Variants in PARPBP observed in about 807,000 individuals in gnomAD.
PARPBP encodes the protein PCNA-interacting partner.
PARPBP carries 52 observed loss-of-function variants against 50.0 expected under a neutral mutation model. The ratio of observed to expected loss-of-function variants is 1.04; its 90% CI spans 0.83 to 1.31. The LOEUF (loss-of-function observed/expected upper bound fraction) is 1.31, where lower values mean the gene tolerates loss of function less well. PARPBP is among the 50% of genes most tolerant of loss of function. The pLI is 0.00. For synonymous variants in PARPBP, 244 were observed against 232.1 expected (o/e 1.05, Z -0.47); for missense variants, 697 against 672.0 (o/e 1.04, Z -0.41).
At chr12:102,126,824 A>G (rs779538585) in intron 2 of PARPBP, among the ~76,000 whole-genome samples, 4 of 152,156 alleles carry the variant, frequency 2.6e-5, no homozygotes, top group Non-Finnish European at 5.9e-5. Flanking sequence ...CTCTTTCTGT[A>G]TCTTGTTTTT....
intron 3 of PARPBP, chr12:102,150,364 CTT>C (rs747278584): frequency 5.8e-5 from 25 of 429,090 alleles, no homozygotes; most frequent in Non-Finnish European, 1.1e-4. Context: ...CTGAAAGTCT[CTT>C]TCAAGGTACA....
At chr12:102,170,157 A>G (rs1888546822) in intron 6 of PARPBP, among the ~76,000 whole-genome samples, 3 of 152,224 alleles carry the variant, frequency 2.0e-5, no homozygotes, top group Admixed American at 2.0e-4. Flanking sequence ...AAGATGTCTT[A>G]AATGAGATGT....
intron 2 of PARPBP, among the ~76,000 whole-genome samples, chr12:102,125,245 ATAGC>A (rs1881807610): frequency 6.6e-6 from 1 of 152,208 alleles, no homozygotes; most frequent in Non-Finnish European, 1.5e-5. Context: ...CTAGGGAGAG[ATAGC>A]TAGTACTGTA....
At chr12:102,148,690 G>T in intron 3 of PARPBP, 1 of 342,876 alleles carries the variant, frequency 2.9e-6, no homozygotes, top group African/African-American at 2.1e-5. Context: ...TATACGGATA[G>T]CTTCTTATTA....
At chr12:102,168,049 T>A (rs774000916) in intron 6 of PARPBP, among the ~76,000 whole-genome samples, 1 of 152,214 alleles carries the variant, frequency 6.6e-6, no homozygotes, top group Non-Finnish European at 1.5e-5. Flanking sequence ...GGGTAGTTAG[T>A]TATGACTCAA....
intron 3 of PARPBP, among the ~76,000 whole-genome samples, chr12:102,152,812 A>T (rs1886384463): frequency 6.6e-6 from 1 of 152,006 alleles, no homozygotes; most frequent in African/African-American, 2.4e-5. Context: ...TGGTAGATCA[A>T]TTCAGACCAA....
Position 102,196,279 on chromosome 12 carries a change from T to C in PARPBP, c.1728T>C (p.Phe576=). 1 of 1,580,568 alleles carries C rather than the reference T, an allele frequency of 6.3e-7. No individual in the cohort carries two copies. Among genetic ancestry groups the C allele is most frequent in the African/African-American group, 1.4e-5 (1 of 73,384 alleles). Residue 576 remains phenylalanine (F), a synonymous_variant, in exon 11 of 11, where the codon TTT becomes TTC. Transcript: ENST00000327680. ...LISGQAKLTQ[F]FRL The stretch of plus-strand genomic sequence containing the variant: ...CTGGCCAGGCAAAGTTAACTCAGTT[T>C]TTTAGACTATAAATTTGTGTCTTAT...
intron 9 of PARPBP, among the ~76,000 whole-genome samples, chr12:102,194,265 TGTAA>T (rs1392675940): frequency 6.6e-6 from 1 of 151,982 alleles, no homozygotes; most frequent in East Asian, 1.9e-4. Flanking sequence ...ACAAATACTC[TGTAA>T]GTAATAATCA....
In PARPBP at chr12:102,196,188, G is replaced by T; in HGVS notation, c.1637G>T (p.Arg546Ile). 1 of 1,611,914 alleles carries T rather than the reference G, an allele frequency of 6.2e-7. No individual in the cohort carries two copies. Among genetic ancestry groups the T allele is most frequent in the Non-Finnish European group, 8.5e-7 (1 of 1,178,554 alleles). ...IPKKSNDSQN[R>I]LYGKLAKVAK... ...AAGAAATCAAATGATTCACAGAATA[G>T]ATTGTACGGCAAACTAGCTAAAGTA... Residue 546 changes from arginine (R) to isoleucine (I), a missense_variant, in exon 11 of 11, where the codon AGA (arginine) becomes ATA (isoleucine). By Grantham distance (97) the Arg-to-Ile change is moderately conservative. Coordinates refer to ENST00000327680, the MANE Select transcript of PARPBP (RefSeq NM_017915.5).
At chr12:102,152,056 C>A in intron 3 of PARPBP, 1 of 427,230 alleles carries the variant, frequency 2.3e-6, no homozygotes. Flanking sequence ...CTTTTTTCTT[C>A]CTAAAAACCA....
chr12:102,120,682 A>T (rs1249482375), intron 1 of PARPBP, among the ~76,000 whole-genome samples: 2 of 152,252 alleles, frequency 1.3e-5, no homozygotes, highest in African/African-American at 4.8e-5. Flanking sequence ...GAACACTGAT[A>T]ATGATGTTGA....
chr12:102,132,727 C>T (rs1320473545), intron 2 of PARPBP, among the ~76,000 whole-genome samples: 1 of 152,134 alleles, frequency 6.6e-6, no homozygotes, highest in African/African-American at 2.4e-5. Context: ...AGCATTGAAT[C>T]TGTATATTGC....
At chr12:102,151,566 G>A in intron 3 of PARPBP, 4 of 1,534,050 alleles carry the variant, frequency 2.6e-6, no homozygotes, top group South Asian at 1.2e-5. Flanking sequence ...GATCTACCTG[G>A]CAGGGGTCAA....
intron 2 of PARPBP, among the ~76,000 whole-genome samples, chr12:102,134,223 A>T (rs936245730): frequency 3.3e-5 from 5 of 149,486 alleles, no homozygotes; most frequent in Non-Finnish European, 7.4e-5. Context: ...TAAAAGTAAG[A>T]AAAAAGAGAA....
chr12:102,185,800 C>T (rs1890246052), intron 9 of PARPBP, among the ~76,000 whole-genome samples: 7 of 151,800 alleles, frequency 4.6e-5, no homozygotes, highest in Admixed American at 3.3e-4. Flanking sequence ...ATTACAGGCA[C>T]CCACCACCAT....
chr12:102,190,158 T>G (rs778517845), intron 9 of PARPBP, among the ~76,000 whole-genome samples: 86 of 152,212 alleles, frequency 5.7e-4, no homozygotes, highest in Non-Finnish European at 1.1e-3. Flanking sequence ...AAGCATACAA[T>G]TATCGTGTGG....
rs1594512294 is a variant in PARPBP at position 102,148,273 on chromosome 12, C to T, written c.197C>T (p.Thr66Ile). 2 of 1,602,154 alleles carry T rather than the reference C, an allele frequency of 1.2e-6. No individual in the cohort carries two copies. Among genetic ancestry groups the T allele is most frequent in the African/African-American group, 1.3e-5 (1 of 74,360 alleles). ...GTCTCTCTCAGTGATGTTTTATTGA[C>T]ATGGAAATACTTGCTCCATGAGAAA... The part of the protein sequence containing the change: ...FTVSLSDVLL[T>I]WKYLLHEKLN... Residue 66 changes from threonine to isoleucine, a missense_variant, in exon 3 of 11, where the codon ACA becomes ATA. Coordinates refer to ENST00000327680, the MANE Select transcript of PARPBP (RefSeq NM_017915.5).
At chr12:102,180,372 A>C (rs558186221) in intron 8 of PARPBP, among the ~76,000 whole-genome samples, 30 of 152,166 alleles carry the variant, frequency 2.0e-4, no homozygotes, top group African/African-American at 6.5e-4. Context: ...TGAAATTTTT[A>C]TTCTAACAAA....
At chr12:102,120,438 C>G (rs1458770007) in intron 1 of PARPBP, 152 bp downstream of exon 1, 10 of 456,342 alleles carry the variant, frequency 2.2e-5, no homozygotes, top group Admixed American at 1.6e-4. Flanking sequence ...ACGCTCGAGC[C>G]TGGTTGGGCC....
Sources: gnomAD v4.1 joint callset for allele counts (sites outside exome capture counted in the v4.1 genomes callset) on GRCh38, gnomAD v4.1.1 for gene constraint, MANE v1.5 for transcripts, NCBI Gene and HGNC (gene_info 2026-07-23, HGNC 2026-07-21) for gene names.